The following PICALM variants were observed in gnomAD, a reference collection of about 807,000 sequenced individuals.
The protein encoded by PICALM is phosphatidylinositol binding clathrin assembly protein.
In PICALM, 40 loss-of-function variants were observed where a neutral mutation model predicts 80.5. That is an observed-to-expected ratio of 0.50 (90% CI 0.39 to 0.65). The LOEUF (loss-of-function observed/expected upper bound fraction) is 0.65, where lower values mean the gene tolerates loss of function less well. PICALM is among the 30% of genes least tolerant of loss of function. PICALM has a pLI of 0.00. For synonymous variants in PICALM, 288 were observed against 260.3 expected, an observed-to-expected ratio of 1.11 and a Z score of -1.02; for missense variants, 676 against 778.9, an observed-to-expected ratio of 0.87 and a Z score of 1.57.
chr11:85,980,837 A>T (rs2094420849), intron 17 of PICALM, among the ~76,000 whole-genome samples: 1 of 152,180 alleles, frequency 6.6e-6, no homozygotes, highest in African/African-American at 2.4e-5. Context: ...CTCATCTGTA[A>T]AATAGGGATA....
At chr11:85,975,091 C>T (rs779349142) in intron 18 of PICALM, among the ~76,000 whole-genome samples, 1 of 152,118 alleles carries the variant, frequency 6.6e-6, no homozygotes, top group African/African-American at 2.4e-5. Context: ...TATTGTATTA[C>T]AACAGATAAA....
At position 85,958,026 on chromosome 11, in the gene PICALM, T is replaced by G. The variant is rs984269921; in HGVS notation, c.*1020A>C. 2.0e-4 allele frequency: 44 copies of G among 222,566 alleles called. No individual in the cohort carries two copies. The highest frequency in any genetic ancestry group is 8.7e-4 in the African/African-American group (39 of 44,596). 13.8% of individuals were successfully genotyped at this position (222,566 alleles called of 1,614,324 possible). On this transcript the variant is annotated 3_prime_UTR_variant, in exon 20 of 20. Coordinates refer to ENST00000393346, the MANE Select transcript of PICALM (RefSeq NM_007166.4). Reference sequence around the variant, plus strand: ...AAATGTTCAAGGACTTTGCCCCCCTTCCCTCCCCCTTGTAACACCTTCTAG... The same window carrying G: ...AAATGTTCAAGGACTTTGCCCCCCTGCCCTCCCCCTTGTAACACCTTCTAG...
intron 18 of PICALM, among the ~76,000 whole-genome samples, chr11:85,976,324 T>C (rs2094282358): frequency 6.6e-6 from 1 of 152,168 alleles, no homozygotes; most frequent in Non-Finnish European, 1.5e-5. Context: ...TGGTATTTAA[T>C]ATATGGTCAC....
chr11:85,961,595 C>T (rs1416016937), intron 19 of PICALM, among the ~76,000 whole-genome samples: 2 of 152,186 alleles, frequency 1.3e-5, no homozygotes, highest in African/African-American at 2.4e-5. Flanking sequence ...ATACATGTAT[C>T]CTTCATTAAG....
At chr11:86,019,440 T>A (rs1332084061) in intron 4 of PICALM, among the ~76,000 whole-genome samples, 1 of 152,180 alleles carries the variant, frequency 6.6e-6, no homozygotes, top group Non-Finnish European at 1.5e-5. Context: ...TAAAAAAGAC[T>A]GCTCTATTAA....
intron 1 of PICALM, among the ~76,000 whole-genome samples, chr11:86,037,567 T>TG (rs974178215): frequency 3.3e-5 from 5 of 151,692 alleles, no homozygotes; most frequent in African/African-American, 1.2e-4. Flanking sequence ...TCCCTAGTTT[T>TG]TTTTTTTTTA....
At chr11:86,043,023 G>C (rs1346885304) in intron 1 of PICALM, among the ~76,000 whole-genome samples, 1 of 152,004 alleles carries the variant, frequency 6.6e-6, no homozygotes, top group Non-Finnish European at 1.5e-5. Flanking sequence ...GGTTTTGCTG[G>C]AACAGTCCTG....
intron 13 of PICALM, among the ~76,000 whole-genome samples, chr11:85,984,217 TACAGA>T (rs2094518668): frequency 6.6e-6 from 1 of 152,192 alleles, no homozygotes; most frequent in Non-Finnish European, 1.5e-5. Context: ...TATGCTTCAT[TACAGA>T]AATCTTTGCT....
intron 17 of PICALM, chr11:85,977,930 T>C: frequency 2.8e-6 from 2 of 702,818 alleles, no homozygotes; most frequent in Non-Finnish European, 5.2e-6. Flanking sequence ...ATGAAATCAG[T>C]AGATGCTAGG....
intron 19 of PICALM, among the ~76,000 whole-genome samples, chr11:85,971,867 C>CT (rs1185164260): frequency 6.6e-6 from 1 of 152,148 alleles, no homozygotes; most frequent in Non-Finnish European, 1.5e-5. Context: ...ACTGCAACCT[C>CT]TGCCTCCCTG....
chr11:86,024,236 C>T (rs957123221), intron 3 of PICALM, among the ~76,000 whole-genome samples: 2 of 151,504 alleles, frequency 1.3e-5, no homozygotes, highest in South Asian at 2.1e-4. Context: ...TAAGTTAGAG[C>T]GCCGTAACTC....
At chr11:86,067,048 T>C (rs2096457714) in intron 1 of PICALM, among the ~76,000 whole-genome samples, 1 of 152,260 alleles carries the variant, frequency 6.6e-6, no homozygotes, top group African/African-American at 2.4e-5. Context: ...GCACTAATGC[T>C]TTTTTATTTA....
chr11:86,049,014 C>T (rs200481879), intron 1 of PICALM, among the ~76,000 whole-genome samples: 1 of 151,976 alleles, frequency 6.6e-6, no homozygotes. Flanking sequence ...ATCAGAGGGC[C>T]GGGTGCGGTG....
intron 6 of PICALM, among the ~76,000 whole-genome samples, 173 bp downstream of exon 6, chr11:86,012,108 T>C (rs1056754765): frequency 1.3e-5 from 2 of 152,198 alleles, no homozygotes; most frequent in Admixed American, 1.3e-4. Context: ...TATAAAAATA[T>C]GTAATCACTT....
intron 9 of PICALM, 58 bp from the exon 10 acceptor site, chr11:86,001,216 A>G: frequency 6.4e-7 from 1 of 1,562,528 alleles, no homozygotes; most frequent in Admixed American, 1.9e-5. Flanking sequence ...CATTACACCC[A>G]GGTCATGAAA....
chr11:86,005,951 C>G (rs559198882), intron 8 of PICALM, among the ~76,000 whole-genome samples: 2 of 152,040 alleles, frequency 1.3e-5, no homozygotes, highest in African/African-American at 4.8e-5. Flanking sequence ...AAAAGAGGAA[C>G]GGAGGTTAAA....
rs752872165 is a variant in PICALM, at chr11:85,974,750, G to C, written c.1902C>G (p.Val634=). Residue 634 remains valine (V), a synonymous_variant, in exon 19 of 20, where the codon GTC becomes GTG. Transcript: ENST00000393346. ...GGCCAAAGGGGTTTGGAGGTCTCAT[G>C]ACAGGCTGGCTGTATATTAAGGTTG... ...TQPTLIYSQP[V]MRPPNPFGPV... 4 of 1,613,852 alleles carry C rather than the reference G, an allele frequency of 2.5e-6. No individual in the cohort carries two copies. In the Admixed American group the frequency reaches 6.7e-5, roughly 27 times the overall value.
chr11:86,046,159 C>T (rs996387508), intron 1 of PICALM, among the ~76,000 whole-genome samples: 1 of 152,180 alleles, frequency 6.6e-6, no homozygotes, highest in Non-Finnish European at 1.5e-5. Context: ...GCTTCAAATA[C>T]TGATAATGAA....
At chr11:86,068,558 G>A (rs1364212901) in intron 1 of PICALM, 93 bp downstream of exon 1, 6 of 1,191,662 alleles carry the variant, frequency 5.0e-6, no homozygotes, top group Non-Finnish European at 5.8e-6. Flanking sequence ...GAGGGAAGAG[G>A]CAGTAGAAGG....
Sources: allele counts gnomAD v4.1 joint callset (sites outside exome capture counted in the v4.1 genomes callset), GRCh38; gene constraint gnomAD v4.1.1; transcripts MANE v1.5; gene names NCBI Gene and HGNC (gene_info 2026-07-23, HGNC 2026-07-21).